Variants in ETV1 observed in about 807,000 individuals in gnomAD.
ETV1 encodes ETS translocation variant 1.
In ETV1, 27 loss-of-function variants were observed where a neutral mutation model predicts 62.3. The ratio of observed to expected loss-of-function variants is 0.43; its 90% CI spans 0.32 to 0.60. The LOEUF (loss-of-function observed/expected upper bound fraction) is 0.60, where lower values mean the gene tolerates loss of function less well. Ranked by LOEUF, ETV1 falls within the 20% of genes least tolerant of loss-of-function variation. ETV1 has a pLI of 0.06. For missense variants in ETV1, 605 were observed against 605.8 expected, an observed-to-expected ratio of 1.00 and a Z score of 0.01; for synonymous variants, 222 against 199.6, an observed-to-expected ratio of 1.11 and a Z score of -0.94.
At chr7:13,981,436 T>A (rs1343570071) in intron 5 of ETV1, among the ~76,000 whole-genome samples, 1 of 152,086 alleles carries the variant, frequency 6.6e-6, no homozygotes, top group African/African-American at 2.4e-5. Context: ...ACACCAATTT[T>A]ATTGCTCTGT....
intron 5 of ETV1, among the ~76,000 whole-genome samples, chr7:13,978,726 T>C (rs1583880064): frequency 6.6e-6 from 1 of 151,904 alleles, no homozygotes; most frequent in African/African-American, 2.4e-5. Flanking sequence ...AAAAATTTTA[T>C]ATAAAAAAGA....
upstream of ETV1, chr7:13,989,835 T>A: frequency 2.7e-6 from 1 of 376,656 alleles, no homozygotes; most frequent in Non-Finnish European, 4.7e-6. Context: ...CTCGCCCCTC[T>A]GCCCTAGGGG....
At chr7:13,929,265 A>T (rs1785803464) in intron 9 of ETV1, among the ~76,000 whole-genome samples, 1 of 152,224 alleles carries the variant, frequency 6.6e-6, no homozygotes, top group African/African-American at 2.4e-5. Flanking sequence ...CCACAATGGG[A>T]ATTTCAAGAT....
At chr7:13,970,099 A>G (rs1583844550) in intron 6 of ETV1, among the ~76,000 whole-genome samples, 1 of 149,286 alleles carries the variant, frequency 6.7e-6, no homozygotes, top group African/African-American at 2.5e-5. Context: ...TACTAAAAAT[A>G]CAAAAAAAAA....
At position 13,989,086 on chromosome 7, in the gene ETV1, T is replaced by C. The variant is rs1177680859; in HGVS notation, c.-34A>G. 6.4e-7 allele frequency: 1 copy of C among 1,572,654 alleles called. No individual in the cohort carries two copies. Among genetic ancestry groups the C allele is most frequent in the African/African-American group, 1.3e-5 (1 of 74,322 alleles). ...TCTTCGCAAATCTCAGCTCAGTATT[T>C]TATATTTTGAGCATTTAGCTGGAGA... On this transcript the variant is annotated 5_prime_UTR_variant, in exon 3 of 14. It removes the in-frame stop codon of an upstream open reading frame in the 5' UTR. Transcript: ENST00000430479.
intron 7 of ETV1, among the ~76,000 whole-genome samples, chr7:13,938,433 G>A (rs950578637): frequency 1.3e-5 from 2 of 151,982 alleles, no homozygotes; most frequent in African/African-American, 4.8e-5. Flanking sequence ...TAAGAACTAA[G>A]TTTCTACTGT....
intron 6 of ETV1, among the ~76,000 whole-genome samples, chr7:13,944,382 G>A (rs893067959): frequency 1.3e-5 from 2 of 152,156 alleles, no homozygotes; most frequent in Non-Finnish European, 2.9e-5. Context: ...TCTTCTCGCT[G>A]CAACTTCACA....
chr7:13,970,384 A>G (rs1780779296), intron 6 of ETV1, among the ~76,000 whole-genome samples: 1 of 152,036 alleles, frequency 6.6e-6, no homozygotes, highest in African/African-American at 2.4e-5. Context: ...AGAGGTAGCT[A>G]TCGTATAACT....
intron 13 of ETV1, among the ~76,000 whole-genome samples, chr7:13,897,106 G>A (rs944621873): frequency 2.0e-5 from 3 of 150,834 alleles, no homozygotes; most frequent in African/African-American, 7.3e-5. Flanking sequence ...AGATGAATAC[G>A]CCTCTTGTTA....
At chr7:13,922,921 G>A (rs915708911) in intron 9 of ETV1, among the ~76,000 whole-genome samples, 5 of 152,150 alleles carry the variant, frequency 3.3e-5, no homozygotes, top group South Asian at 2.1e-4. Flanking sequence ...CCTAGAACAC[G>A]TATCTCATCT....
At chr7:13,960,918 G>C (rs1220484499) in intron 6 of ETV1, among the ~76,000 whole-genome samples, 2 of 152,096 alleles carry the variant, frequency 1.3e-5, no homozygotes, top group Non-Finnish European at 2.9e-5. Flanking sequence ...TGTGAGGAAG[G>C]ATCACTTGGG....
In ETV1 at chr7:13,989,304, C is replaced by A. The variant is rs1411604472; in HGVS notation, c.-124G>T. Reference sequence around the variant, plus strand: ...GAGAGCCAACAGAGTTCACAATTTACATATTTTCGGTAGTAGCAAAAATCC... The same window carrying A: ...GAGAGCCAACAGAGTTCACAATTTAAATATTTTCGGTAGTAGCAAAAATCC... On this transcript the variant is annotated 5_prime_UTR_variant, in exon 2 of 14. An upstream start codon of the reference 5' UTR is lost. Transcript: ENST00000430479. 5 of 490,146 alleles carry A rather than the reference C, an allele frequency of 1.0e-5. No homozygotes were observed. Among genetic ancestry groups the A allele is most frequent in the Non-Finnish European group, 1.8e-5 (5 of 280,314 alleles). 30.4% of individuals were successfully genotyped at this position (490,146 alleles called of 1,614,324 possible). A position where few individuals can be genotyped will look rare whatever the true frequency, so the allele number is the denominator to read the frequency against.
intron 9 of ETV1, among the ~76,000 whole-genome samples, chr7:13,920,441 A>AGTGTGTGTGTGTGTGTGT (rs4027263): frequency 3.4e-5 from 5 of 148,430 alleles, no homozygotes; most frequent in African/African-American, 1.2e-4. Context: ...AGAGTGAGTG[A>AGTGTGTGTGTGTGTGTGT]GTGTGTGTGT....
chr7:13,963,595 A>G (rs1380362764), intron 6 of ETV1, among the ~76,000 whole-genome samples: 2 of 151,788 alleles, frequency 1.3e-5, no homozygotes, highest in Non-Finnish European at 2.9e-5. Context: ...AAGTTTACTG[A>G]TGACTTCTCA....
chr7:13,928,627 G>C (rs1324749905), intron 9 of ETV1, among the ~76,000 whole-genome samples: 1 of 150,352 alleles, frequency 6.7e-6, no homozygotes, highest in Non-Finnish European at 1.5e-5. Flanking sequence ...AAAAAGAGAA[G>C]AGTTTCAGTG....
chr7:13,967,135 T>G (rs1780371514), intron 6 of ETV1, among the ~76,000 whole-genome samples: 1 of 152,182 alleles, frequency 6.6e-6, no homozygotes, highest in East Asian at 1.9e-4. Context: ...CGGATCTCAT[T>G]TGCAAAATAT....
intron 6 of ETV1, among the ~76,000 whole-genome samples, chr7:13,942,299 A>G (rs1305790509): frequency 6.6e-6 from 1 of 152,128 alleles, no homozygotes; most frequent in African/African-American, 2.4e-5. Context: ...CTGGCATTAC[A>G]GGCATGAGCC....
intron 6 of ETV1, among the ~76,000 whole-genome samples, chr7:13,952,051 A>G (rs1395479137): frequency 2.5e-5 from 3 of 118,808 alleles, no homozygotes; most frequent in African/African-American, 1.5e-4. Flanking sequence ...AGAGCAAAAT[A>G]AATAAATAAA....
intron 6 of ETV1, among the ~76,000 whole-genome samples, chr7:13,968,456 G>C (rs747326464): frequency 4.0e-5 from 6 of 151,280 alleles, no homozygotes; most frequent in Non-Finnish European, 8.9e-5. Flanking sequence ...GTATCTACTA[G>C]AGCATACTTT....
Sources: allele counts gnomAD v4.1 joint callset (sites outside exome capture counted in the v4.1 genomes callset), GRCh38; gene constraint gnomAD v4.1.1; transcripts MANE v1.5; gene names NCBI Gene and HGNC (gene_info 2026-07-23, HGNC 2026-07-21).